The following TGFBI variants were observed in gnomAD, a reference collection of about 807,000 sequenced individuals.
TGFBI encodes the protein transforming growth factor beta induced, also known as transforming growth factor-beta-induced protein ig-h3.
In TGFBI, 50 loss-of-function variants were observed where a neutral mutation model predicts 73.7. The ratio of observed to expected loss-of-function variants is 0.68; its 90% CI spans 0.54 to 0.86. The LOEUF is 0.86. Ranked by LOEUF, TGFBI falls within the 40% of genes least tolerant of loss-of-function variation. The pLI is 0.00. For missense variants in TGFBI, 839 were observed against 877.0 expected (o/e 0.96, Z 0.55); for synonymous variants, 362 against 360.5 (o/e 1.00, Z -0.05).
Position 136,063,557 on chromosome 5 carries a change from G to T in TGFBI, c.*331G>T. 3.5e-6 allele frequency: 1 copy of T among 289,826 alleles called. No individual in the cohort carries two copies. Among genetic ancestry groups the T allele is most frequent in the South Asian group, 6.0e-5 (1 of 16,668 alleles). The allele number at this position is 289,826 out of a possible 1,614,324, so 18.0% of individuals were successfully genotyped here. On this transcript the variant is annotated 3_prime_UTR_variant, in exon 17 of 17. Coordinates refer to ENST00000442011, the MANE Select transcript of TGFBI (RefSeq NM_000358.3). The stretch of plus-strand genomic sequence containing the variant: ...TGGAAAAGGAGCTTCAGTATTGTGG[G>T]GCTCATAAAACATGAATCAAGCAAT...
At chr5:136,053,873 C>T in intron 8 of TGFBI, 70 bp from the exon 9 acceptor site, 1 of 1,599,784 alleles carries the variant, frequency 6.3e-7, no homozygotes, top group African/African-American at 1.3e-5. Flanking sequence ...TGTGTCATGC[C>T]CTGGGGTGGA....
In TGFBI at chr5:136,063,502, A is replaced by C; in HGVS notation, c.*276A>C. 7.1e-6 allele frequency: 3 copies of C among 422,446 alleles called. No homozygotes were observed. The highest frequency in any genetic ancestry group is 4.3e-6 in the Non-Finnish European group (1 of 232,380). The allele number at this position is 422,446 out of a possible 1,614,324, so 26.2% of individuals were successfully genotyped here. A position where few individuals can be genotyped will look rare whatever the true frequency, so the allele number is the denominator to read the frequency against. The stretch of plus-strand genomic sequence containing the variant: ...CACTTCCAGAGAGGACCTATCCCAA[A>C]TGTGGAATTGACTGCCTATGCCAAG... On this transcript the variant is annotated 3_prime_UTR_variant, in exon 17 of 17. Coordinates refer to ENST00000442011, the MANE Select transcript of TGFBI (RefSeq NM_000358.3).
chr5:136,062,962 G>A (rs912368704), intron 16 of TGFBI, among the ~76,000 whole-genome samples: 3 of 152,188 alleles, frequency 2.0e-5, no homozygotes, highest in African/African-American at 7.2e-5. Context: ...GGGCTTGGCA[G>A]GAACCCATGG....
In TGFBI at chr5:136,061,536, A is replaced by C; in HGVS notation, c.1943A>C (p.Asp648Ala). The change falls in exon 15 of 17, where the codon GAC becomes GCC. Residue 648 changes from aspartate (D) to alanine (A), a missense_variant. Coordinates refer to ENST00000442011, the MANE Select transcript of TGFBI (RefSeq NM_000358.3). ...RPQERGDELA[D>A]SALEIFKQAS... ...CAGGAAAGAGGGGATGAACTTGCAG[A>C]CTCTGCGCTTGAGATCTTCAAACAA... is the stretch of plus-strand genomic sequence containing the variant. 1 of 1,612,052 alleles carries C rather than the reference A, an allele frequency of 6.2e-7. No individual in the cohort carries two copies. Among genetic ancestry groups the C allele is most frequent in the Non-Finnish European group, 8.5e-7 (1 of 1,179,172 alleles).
At position 136,055,743 on chromosome 5, in the gene TGFBI, T is replaced by C; in HGVS notation, c.1474T>C (p.Phe492Leu). The C allele has an allele frequency of 6.2e-7, 1 of 1,612,958 alleles. No homozygotes were observed. Among genetic ancestry groups the C allele is most frequent in the South Asian group, 1.1e-5 (1 of 90,896 alleles). Residue 492 changes from phenylalanine (F) to leucine (L), a missense_variant, in exon 11 of 17, where the codon TTC becomes CTC. By Grantham distance (22) the Phe-to-Leu change is conservative. Transcript: ENST00000442011. ...CAAGAGGGGGAGGTACGGGACCCTG[T>C]TCACGATGGACCGGGTGCTGACCCC... ...HDKRGRYGTL[F>L]TMDRVLTPPM...
At chr5:136,037,788 G>T (rs1580709916) in intron 2 of TGFBI, among the ~76,000 whole-genome samples, 1 of 152,160 alleles carries the variant, frequency 6.6e-6, no homozygotes, top group East Asian at 1.9e-4. Flanking sequence ...AATGCTTAAA[G>T]ATTTAACTTT....
At chr5:136,061,116 C>T (rs1476048775) in intron 14 of TGFBI, 180 bp downstream of exon 14, 1 of 603,502 alleles carries the variant, frequency 1.7e-6, no homozygotes, top group East Asian at 2.8e-5. Flanking sequence ...ATGCACCACA[C>T]TAAGGAATGT....
chr5:136,056,447 A>C, intron 11 of TGFBI: 1 of 562,582 alleles, frequency 1.8e-6, no homozygotes, highest in Non-Finnish European at 3.1e-6. Context: ...GCCATTTAAC[A>C]GAGCTTAGCA....
chr5:136,030,522 C>A (rs1308945944), intron 1 of TGFBI, among the ~76,000 whole-genome samples: 2 of 152,160 alleles, frequency 1.3e-5, no homozygotes, highest in Non-Finnish European at 2.9e-5. Context: ...AACCTCAACA[C>A]CCTCCTGGAA....
chr5:136,061,303 C>T (rs184740702), intron 14 of TGFBI, 197 bp from the exon 15 acceptor site: 30 of 612,076 alleles, frequency 4.9e-5, no homozygotes, highest in African/African-American at 4.0e-4. Flanking sequence ...CCTGCCTCTC[C>T]TCATGTGTGC....
At position 136,029,020 on chromosome 5, in the gene TGFBI, G is replaced by T. The variant is rs1580705223; in HGVS notation, c.-36G>T. ...CCCTGGAGCCGCCCGCTTGCCCGTC[G>T]GTCGCTAGCTCGCTCGGTGCGCGTC... On this transcript the variant is annotated 5_prime_UTR_variant, in exon 1 of 17. Transcript: ENST00000442011. The T allele has an allele frequency of 1.3e-6, 2 of 1,512,038 alleles. No individual in the cohort carries two copies. 93.7% of individuals were successfully genotyped at this position (1,512,038 alleles called of 1,614,324 possible).
intron 1 of TGFBI, among the ~76,000 whole-genome samples, chr5:136,031,567 C>A (rs1751121039): frequency 6.6e-6 from 1 of 152,204 alleles, no homozygotes; most frequent in African/African-American, 2.4e-5. Context: ...ACACAGAATG[C>A]TGTTGGGAGA....
intron 16 of TGFBI, 95 bp downstream of exon 16, chr5:136,062,782 C>T (rs1035118315): frequency 7.5e-7 from 1 of 1,329,226 alleles, no homozygotes; most frequent in Non-Finnish European, 1.0e-6. Context: ...TAGATAAGAA[C>T]ATCATGGTGC....
chr5:136,031,832 C>T (rs532452287), intron 1 of TGFBI, among the ~76,000 whole-genome samples: 1 of 152,288 alleles, frequency 6.6e-6, no homozygotes, highest in African/African-American at 2.4e-5. Flanking sequence ...ACACAGCCCA[C>T]CCACACTCCC....
At chr5:136,037,803 G>A (rs1751254926) in intron 2 of TGFBI, among the ~76,000 whole-genome samples, 1 of 152,190 alleles carries the variant, frequency 6.6e-6, no homozygotes, top group Non-Finnish European at 1.5e-5. Context: ...AACTTTTAAA[G>A]AGATCAGCTG....
In TGFBI at chr5:136,044,141, C is replaced by A. The variant is rs1735458267; in HGVS notation, c.298+19C>A. The A allele has an allele frequency of 6.2e-7, 1 of 1,608,728 alleles. No individual in the cohort carries two copies. The highest frequency in any genetic ancestry group is 1.3e-5 in the African/African-American group (1 of 74,894). ...CCAGCAGGTGAATGAATCCTCCGGGCCTTGCCTGTTGGTGTGGGTGGAAGG... is the reference window on the plus strand; with the variant it reads ...CCAGCAGGTGAATGAATCCTCCGGGACTTGCCTGTTGGTGTGGGTGGAAGG... On this transcript the variant is annotated intron_variant, in intron 3 of 16. Coordinates refer to ENST00000442011, the MANE Select transcript of TGFBI (RefSeq NM_000358.3).
intron 7 of TGFBI, among the ~76,000 whole-genome samples, chr5:136,052,340 G>T (rs1014551818): frequency 2.6e-5 from 4 of 152,238 alleles, no homozygotes; most frequent in African/African-American, 9.6e-5. Flanking sequence ...AGACCCTTGG[G>T]CTAAATGAAC....
In TGFBI at chr5:136,054,703, C is replaced by T. The variant is rs756977026; in HGVS notation, c.1265-13C>T. 1.2e-6 allele frequency: 2 copies of T among 1,613,978 alleles called. No homozygotes were observed. The highest frequency in any genetic ancestry group is 1.1e-5 in the South Asian group (1 of 91,082). On this transcript the variant is annotated splice_polypyrimidine_tract_variant and intron_variant, in intron 9 of 16. Transcript: ENST00000442011. ...CACATCTCTCTGGACCTAACCATCA[C>T]CCTTTCTTGTAGATGGAACCCCTCC...
intron 1 of TGFBI, 25 bp from the exon 2 acceptor site, chr5:136,033,738 C>G (rs1343721675): frequency 6.2e-7 from 1 of 1,606,812 alleles, no homozygotes; most frequent in Non-Finnish European, 8.5e-7. Context: ...GATCATCTTC[C>G]TAATTCTGCT....
Sources: gnomAD v4.1 joint callset for allele counts (sites outside exome capture counted in the v4.1 genomes callset) on GRCh38, gnomAD v4.1.1 for gene constraint, MANE v1.5 for transcripts, NCBI Gene and HGNC (gene_info 2026-07-23, HGNC 2026-07-21) for gene names.